The following SYNE2 variants were observed in gnomAD, a reference collection of about 807,000 sequenced individuals.
SYNE2 encodes spectrin repeat containing nuclear envelope protein 2.
In SYNE2, 431 loss-of-function variants were observed where a neutral mutation model predicts 856.3. The observed-to-expected ratio is 0.50, with a 90% CI of 0.47 to 0.55. SYNE2 has a LOEUF of 0.55. Ranked by LOEUF, SYNE2 falls within the 20% of genes least tolerant of loss-of-function variation. The pLI, the probability that SYNE2 is intolerant of heterozygous loss-of-function variation, is 0.00. For synonymous variants in SYNE2, 2,923 were observed against 2,872.3 expected, an observed-to-expected ratio of 1.02 and a Z score of -0.56; for missense variants, 8,129 against 8,023.2, an observed-to-expected ratio of 1.01 and a Z score of -0.50.
chr14:64,064,110 G>T (rs1414628046), intron 50 of SYNE2, among the ~76,000 whole-genome samples: 2 of 152,094 alleles, frequency 1.3e-5, no homozygotes, highest in African/African-American at 4.8e-5. Flanking sequence ...CCTGGGTGAT[G>T]AAATGAAGTG....
intron 1 of SYNE2, among the ~76,000 whole-genome samples, chr14:63,797,931 G>A (rs772112798): frequency 8.5e-5 from 13 of 152,186 alleles, no homozygotes; most frequent in Non-Finnish European, 1.6e-4. Flanking sequence ...CAATTTGCTA[G>A]GACTTCTTAG....
chr14:63,949,733 T>C (rs2096120753), intron 6 of SYNE2, 92 bp from the exon 7 acceptor site: 6 of 1,258,906 alleles, frequency 4.8e-6, no homozygotes, highest in Non-Finnish European at 5.8e-6. Context: ...TGTCACAGGA[T>C]GCTTTTTAGG....
intron 61 of SYNE2, among the ~76,000 whole-genome samples, chr14:64,094,144 A>C (rs2097656004): frequency 6.6e-6 from 1 of 151,922 alleles, no homozygotes; most frequent in Non-Finnish European, 1.5e-5. Context: ...CATCCTGGCT[A>C]ACACGGTGAA....
At chr14:64,136,784 A>G (rs1358133067) in intron 78 of SYNE2, among the ~76,000 whole-genome samples, 1 of 152,200 alleles carries the variant, frequency 6.6e-6, no homozygotes, top group Admixed American at 6.5e-5. Flanking sequence ...TTCGCATCTC[A>G]TGGATAATAG....
chr14:63,912,771 T>C (rs2095487938), intron 2 of SYNE2, among the ~76,000 whole-genome samples: 1 of 152,240 alleles, frequency 6.6e-6, no homozygotes, highest in Non-Finnish European at 1.5e-5. Flanking sequence ...TGAAAGCATA[T>C]AGCCCGTATG....
chr14:64,072,568 C>T (rs2097420691), intron 52 of SYNE2, among the ~76,000 whole-genome samples: 1 of 151,774 alleles, frequency 6.6e-6, no homozygotes, highest in African/African-American at 2.4e-5. Context: ...AGCATGATCT[C>T]GGCTCACTGC....
intron 1 of SYNE2, among the ~76,000 whole-genome samples, chr14:63,799,204 AAGT>A (rs1166331705): frequency 6.6e-6 from 1 of 151,998 alleles, no homozygotes; most frequent in African/African-American, 2.4e-5. Context: ...TCAGCCTCCC[AAGT>A]AGCTGGGATT....
intron 1 of SYNE2, among the ~76,000 whole-genome samples, chr14:63,859,961 C>G (rs1269598922): frequency 2.1e-5 from 3 of 139,944 alleles, no homozygotes; most frequent in African/African-American, 7.8e-5. Flanking sequence ...CCCTCCCTCC[C>G]TCCCTCCCTC....
rs1208826730 is a variant in SYNE2 at position 64,186,539 on chromosome 14, T to C, written c.17672T>C (p.Ile5891Thr). 19 of 1,614,178 alleles carry C rather than the reference T, an allele frequency of 1.2e-5. No homozygotes were observed. Among genetic ancestry groups the C allele is most frequent in the South Asian group, 5.5e-5 (5 of 91,082 alleles). ...VEDVMVLKEQ[I>T]EHLHRQWEDL... Reference sequence around the variant, plus strand: ...GATGTGATGGTTTTGAAGGAGCAAATAGAGCATTTGCACAGACAATGGGAG... The same window carrying C: ...GATGTGATGGTTTTGAAGGAGCAAACAGAGCATTTGCACAGACAATGGGAG... Residue 5891 changes from isoleucine (I) to threonine (T), a missense_variant, in exon 97 of 116, where the codon ATA becomes ACA. Around this residue, in one of 3 missense-constraint regions of SYNE2, gnomAD observed 5,410 missense variants for 5,284.8 expected, o/e 1.02. Transcript: ENST00000555002.
chr14:64,092,723 G>A (rs944399609), intron 60 of SYNE2, among the ~76,000 whole-genome samples: 1 of 152,138 alleles, frequency 6.6e-6, no homozygotes, highest in African/African-American at 2.4e-5. Flanking sequence ...CCACAGATAG[G>A]TCTGAGCTTT....
intron 62 of SYNE2, 65 bp downstream of exon 62, chr14:64,098,211 C>A: frequency 6.4e-7 from 1 of 1,553,018 alleles, no homozygotes; most frequent in East Asian, 2.2e-5. Flanking sequence ...GTAGTGTTTT[C>A]CACCTGAACG....
At chr14:63,959,043 A>G (rs746453077) in intron 8 of SYNE2, among the ~76,000 whole-genome samples, 3 of 152,018 alleles carry the variant, frequency 2.0e-5, no homozygotes, top group South Asian at 2.1e-4. Flanking sequence ...CTCATCTTGT[A>G]TATTTCCTGC....
chr14:64,000,642 A>G lies in SYNE2; in HGVS notation c.3561A>G (p.Ile1187Met). 6.2e-7 allele frequency: 1 copy of G among 1,613,462 alleles called. No individual in the cohort carries two copies. Among genetic ancestry groups the G allele is most frequent in the Non-Finnish European group, 8.5e-7 (1 of 1,179,658 alleles). Reference sequence around the variant, plus strand: ...AGTTAGAAAATCATGTGAATGACATAAAAAAGCCTTTTGTAATTAAGGAAA... The same window carrying G: ...AGTTAGAAAATCATGTGAATGACATGAAAAAGCCTTTTGTAATTAAGGAAA... ...SLKLENHVND[I>M]KKPFVIKERD... is the part of the protein sequence containing the mutation. Residue 1187 changes from isoleucine (I) to methionine (M), a missense_variant, in exon 28 of 116, where the codon ATA becomes ATG. Physicochemically the swap from Ile to Met is conservative, Grantham distance 10. Coordinates refer to ENST00000555002, the MANE Select transcript of SYNE2 (RefSeq NM_182914.3).
chr14:64,126,177 T>C (rs2097943143), intron 71 of SYNE2, 150 bp from the exon 72 acceptor site: 3 of 674,304 alleles, frequency 4.4e-6, no homozygotes, highest in Non-Finnish European at 5.1e-6. Context: ...TATTTATTTG[T>C]TCTGCTACCT....
chr14:63,772,356 A>G (rs2139709169), intron 1 of SYNE2, among the ~76,000 whole-genome samples: 1 of 152,164 alleles, frequency 6.6e-6, no homozygotes, highest in East Asian at 1.9e-4. Context: ...TCCATCTCAA[A>G]AACAAAAAAA....
At position 64,002,954 on chromosome 14, in the gene SYNE2, C is replaced by T. The variant is rs201342874; in HGVS notation, c.4021C>T (p.Pro1341Ser). The change falls in exon 30 of 116, where the codon CCC becomes TCC. Residue 1341 changes from proline to serine, a missense_variant. Transcript: ENST00000555002. ...SLRTAKLSAE[P>S]VTDLSASDTQ... ...CAGAACAGCTAAACTCTCTGCTGAG[C>T]CCGTTACAGACCTTTCAGCCTCAGA... 6 of 1,614,056 alleles carry T rather than the reference C, an allele frequency of 3.7e-6. No individual in the cohort carries two copies. Among genetic ancestry groups the T allele is most frequent in the Non-Finnish European group, 5.1e-6 (6 of 1,180,034 alleles).
chr14:63,762,835 A>AG (rs1886540302), intron 1 of SYNE2, among the ~76,000 whole-genome samples: 2 of 146,178 alleles, frequency 1.4e-5, no homozygotes, highest in African/African-American at 5.6e-5. Context: ...AAAGAGAGAG[A>AG]AAAAAAATGC....
chr14:64,094,054 C>G (rs754480669), intron 61 of SYNE2, among the ~76,000 whole-genome samples: 1 of 151,918 alleles, frequency 6.6e-6, no homozygotes, highest in East Asian at 1.9e-4. Context: ...TCCTGTGGGC[C>G]GGGCGCGGTG....
intron 21 of SYNE2, among the ~76,000 whole-genome samples, chr14:63,992,682 C>T (rs922331380): frequency 4.6e-5 from 7 of 152,300 alleles, no homozygotes; most frequent in African/African-American, 1.7e-4. Flanking sequence ...TTGCCAATGG[C>T]ATTTAGTCAA....
Sources: allele counts gnomAD v4.1 joint callset (sites outside exome capture counted in the v4.1 genomes callset), GRCh38; gene constraint gnomAD v4.1.1; regional missense constraint gnomAD v4.1.1; transcripts MANE v1.5; gene names NCBI Gene and HGNC (gene_info 2026-07-23, HGNC 2026-07-21).